Variants in GNAO1 observed in about 807,000 individuals in gnomAD.
GNAO1 encodes G protein subunit alpha o1.
For missense variants in GNAO1, 166 were observed against 478.7 expected (o/e 0.35, Z 6.10); for synonymous variants, 164 against 180.7 (o/e 0.91, Z 0.74).
intron 2 of GNAO1, among the ~76,000 whole-genome samples, chr16:56,222,225 A>C (rs1434649221): frequency 7.1e-6 from 1 of 141,020 alleles, no homozygotes; most frequent in Non-Finnish European, 1.6e-5. Flanking sequence ...AGAGCATGTC[A>C]GTGGGAGGGA....
intron 6 of GNAO1, chr16:56,345,206 T>TC: frequency 2.0e-6 from 2 of 985,586 alleles, no homozygotes; most frequent in Non-Finnish European, 2.4e-6. Flanking sequence ...CCTCTCCCAC[T>TC]CCAAGATGCC....
intron 2 of GNAO1, among the ~76,000 whole-genome samples, chr16:56,201,447 A>G (rs2036281272): frequency 6.6e-6 from 1 of 152,220 alleles, no homozygotes; most frequent in Non-Finnish European, 1.5e-5. Context: ...CCAGATCATG[A>G]AAGGCCTTAT....
At chr16:56,273,270 GT>G (rs1296666774) in intron 2 of GNAO1, among the ~76,000 whole-genome samples, 3 of 152,018 alleles carry the variant, frequency 2.0e-5, no homozygotes, top group African/African-American at 7.2e-5. Context: ...TTATTGCCAT[GT>G]TTTCAAGTTC....
chr16:56,346,102 A>G (rs1371078855), intron 6 of GNAO1: 6 of 985,364 alleles, frequency 6.1e-6, no homozygotes, highest in East Asian at 2.3e-4. Context: ...TGGATGCTCC[A>G]TCCTCCTTGG....
chr16:56,226,983 G>T (rs1010835414), intron 2 of GNAO1, among the ~76,000 whole-genome samples: 11 of 152,316 alleles, frequency 7.2e-5, no homozygotes, highest in African/African-American at 2.6e-4. Flanking sequence ...TTATACCGGA[G>T]AAGTAATCAC....
At chr16:56,340,285 G>A (rs1370653546) in intron 6 of GNAO1, 1 of 148,600 alleles carries the variant, frequency 6.7e-6, no homozygotes, top group African/African-American at 2.6e-5. Context: ...CCACACCAAG[G>A]CCACAGCAAG....
intron 2 of GNAO1, among the ~76,000 whole-genome samples, chr16:56,254,138 T>C (rs1337863349): frequency 1.1e-4 from 17 of 152,170 alleles, no homozygotes; most frequent in Admixed American, 2.6e-4. Flanking sequence ...TCAAGTTTTG[T>C]AAGTGATTCA....
At chr16:56,214,156 T>G (rs2036418201) in intron 2 of GNAO1, among the ~76,000 whole-genome samples, 1 of 152,158 alleles carries the variant, frequency 6.6e-6, no homozygotes, top group African/African-American at 2.4e-5. Flanking sequence ...AGACAAACAC[T>G]GAACATGTTG....
At chr16:56,221,740 C>T (rs1171595003) in intron 2 of GNAO1, among the ~76,000 whole-genome samples, 1 of 151,038 alleles carries the variant, frequency 6.6e-6, no homozygotes, top group East Asian at 2.0e-4. Context: ...GTTAATTCTC[C>T]AAAGGAAGCT....
intron 2 of GNAO1, among the ~76,000 whole-genome samples, chr16:56,260,533 G>A (rs764046073): frequency 1.3e-5 from 2 of 152,150 alleles, no homozygotes; most frequent in Non-Finnish European, 2.9e-5. Flanking sequence ...CTGCAGCAGA[G>A]CCTCTACTGA....
intron 2 of GNAO1, among the ~76,000 whole-genome samples, chr16:56,253,436 C>G (rs2143461537): frequency 6.6e-6 from 1 of 152,344 alleles, no homozygotes; most frequent in East Asian, 1.9e-4. Context: ...AATCTTTATT[C>G]TTTCTTCTTA....
chr16:56,340,589 G>A (rs2037792354), intron 6 of GNAO1: 2 of 494,344 alleles, frequency 4.0e-6, no homozygotes, highest in Non-Finnish European at 7.3e-6. Flanking sequence ...TTTGGAAGGG[G>A]GCAGCATCCC....
chr16:56,271,610 C>T (rs532248002), intron 2 of GNAO1, among the ~76,000 whole-genome samples: 9 of 152,250 alleles, frequency 5.9e-5, no homozygotes, highest in African/African-American at 2.2e-4. Flanking sequence ...CATGCCACCA[C>T]ACCAGGCTAA....
intron 3 of GNAO1, among the ~76,000 whole-genome samples, chr16:56,321,244 T>G (rs1401625076): frequency 6.6e-6 from 1 of 151,980 alleles, no homozygotes. Context: ...AAACAACATA[T>G]CCTCCAATGG....
intron 2 of GNAO1, among the ~76,000 whole-genome samples, chr16:56,260,754 A>G (rs1239037957): frequency 6.6e-6 from 1 of 151,998 alleles, no homozygotes; most frequent in Admixed American, 6.5e-5. Flanking sequence ...GAACTTCCAT[A>G]TGCTTGAGAA....
chr16:56,298,031 C>T (rs1266433215), intron 3 of GNAO1, among the ~76,000 whole-genome samples: 4 of 151,936 alleles, frequency 2.6e-5, no homozygotes, highest in African/African-American at 9.7e-5. Flanking sequence ...AATTAGCCAG[C>T]CATGGTGGTG....
intron 2 of GNAO1, among the ~76,000 whole-genome samples, chr16:56,268,177 G>A (rs2143501912): frequency 6.6e-6 from 1 of 152,332 alleles, no homozygotes; most frequent in South Asian, 2.1e-4. Context: ...CTATTTCTGT[G>A]TGGGCTCTAA....
intron 2 of GNAO1, 75 bp from the exon 3 acceptor site, chr16:56,275,856 C>T (rs112167796): frequency 4.8e-5 from 63 of 1,305,186 alleles, no homozygotes; most frequent in African/African-American, 4.7e-4. Flanking sequence ...TCAGCCAGTG[C>T]GTCTCATGCC....
chr16:56,271,536 G>A (rs369213725), intron 2 of GNAO1, among the ~76,000 whole-genome samples: 27 of 152,234 alleles, frequency 1.8e-4, no homozygotes, highest in South Asian at 1.0e-3. Flanking sequence ...TCACTGCCAC[G>A]TCCTCCTCCT....
Sources: gnomAD v4.1 joint callset for allele counts (sites outside exome capture counted in the v4.1 genomes callset) on GRCh38, gnomAD v4.1.1 for gene constraint, MANE v1.5 for transcripts, NCBI Gene and HGNC (gene_info 2026-07-23, HGNC 2026-07-21) for gene names.